The following PLXDC2 variants were observed in gnomAD, a reference collection of about 807,000 sequenced individuals.
The protein encoded by PLXDC2 is plexin domain-containing protein 2.
Under a neutral mutation model 68.9 loss-of-function variants are expected in PLXDC2, and 40 were observed. The ratio of observed to expected loss-of-function variants is 0.58; its 90% CI spans 0.45 to 0.76. PLXDC2 has a LOEUF of 0.76. Among genes scored for constraint, PLXDC2 ranks in the 30% least tolerant of loss-of-function variants. The pLI, the probability that PLXDC2 is intolerant of heterozygous loss-of-function variation, is 0.00. For synonymous variants in PLXDC2, 243 were observed against 234.2 expected (o/e 1.04, Z -0.34); for missense variants, 644 against 661.9 (o/e 0.97, Z 0.30).
intron 1 of PLXDC2, among the ~76,000 whole-genome samples, chr10:19,820,759 A>G (rs1836453301): frequency 6.6e-6 from 1 of 151,772 alleles, no homozygotes; most frequent in African/African-American, 2.4e-5. Context: ...GAGTTGATCA[A>G]CAGCCTTGAT....
At chr10:20,071,757 T>C (rs1564304325) in intron 4 of PLXDC2, among the ~76,000 whole-genome samples, 1 of 152,188 alleles carries the variant, frequency 6.6e-6, no homozygotes, top group Non-Finnish European at 1.5e-5. Context: ...GAGCAGGAGC[T>C]TGCTGAAAAA....
chr10:19,987,403 A>G lies in PLXDC2; in HGVS notation c.113-14372A>G, dbSNP rs370201145. On this transcript the variant is annotated intron_variant, in intron 1 of 13. Transcript: ENST00000377252. ...CACGTGCATCCCGCCGTCCCAGAAC[A>G]TAATTTTTTACCGATTTAATACTCT... 2.0e-5 allele frequency among the ~76,000 whole-genome samples: 3 copies of G among 152,276 alleles called. 1 individual carries two copies. The highest frequency in any genetic ancestry group is 2.0e-4 in the Admixed American group (3 of 15,298).
At chr10:19,910,116 A>G (rs1267762425) in intron 1 of PLXDC2, among the ~76,000 whole-genome samples, 1 of 151,920 alleles carries the variant, frequency 6.6e-6, no homozygotes. Flanking sequence ...TATCATTGAC[A>G]TCCACGAACC....
intron 9 of PLXDC2, among the ~76,000 whole-genome samples, chr10:20,183,425 G>C (rs954535581): frequency 5.3e-5 from 8 of 151,872 alleles, no homozygotes; most frequent in African/African-American, 1.9e-4. Context: ...GGTATGTTTG[G>C]ATAGACATAG....
chr10:20,059,910 T>A (rs10827936), intron 3 of PLXDC2, among the ~76,000 whole-genome samples: 4 of 152,116 alleles, frequency 2.6e-5, no homozygotes, highest in South Asian at 4.1e-4. Flanking sequence ...AAGGAAGTTC[T>A]CAATGCTCTT....
chr10:20,082,883 G>T (rs1836595380), intron 4 of PLXDC2, among the ~76,000 whole-genome samples: 1 of 152,036 alleles, frequency 6.6e-6, no homozygotes, highest in African/African-American at 2.4e-5. Flanking sequence ...TTTAATGTAT[G>T]CCTATTTAAA....
chr10:19,984,025 G>C (rs781182469), intron 1 of PLXDC2, among the ~76,000 whole-genome samples: 1 of 152,148 alleles, frequency 6.6e-6, no homozygotes, highest in Non-Finnish European at 1.5e-5. Context: ...TTGGTCCAGC[G>C]GTTTTCCATA....
At chr10:19,928,127 A>G (rs1388229074) in intron 1 of PLXDC2, among the ~76,000 whole-genome samples, 1 of 152,194 alleles carries the variant, frequency 6.6e-6, no homozygotes, top group Admixed American at 6.5e-5. Flanking sequence ...CATTATTTCT[A>G]TCCTTTTTAT....
chr10:19,848,686 C>G lies in PLXDC2; in HGVS notation c.112+31495C>G, dbSNP rs546964073. ...TTCCATGTAGGTTAGTAGAGAATTT[C>G]AAATATTTCCACGAAGTACCCACTA... On this transcript the variant is annotated intron_variant, in intron 1 of 13. Coordinates refer to ENST00000377252, the MANE Select transcript of PLXDC2 (RefSeq NM_032812.9). Among the ~76,000 whole-genome samples the G allele has an allele frequency of 3.3e-5, 5 of 152,296 alleles. 1 individual carries two copies. The South Asian group carries it at 1.0e-3, about 32-fold the overall frequency.
chr10:20,129,475 T>C (rs996852845), intron 4 of PLXDC2, among the ~76,000 whole-genome samples: 25 of 145,790 alleles, frequency 1.7e-4, no homozygotes, highest in African/African-American at 6.1e-4. Context: ...TCATGAAATC[T>C]CATTTGTCCA....
intron 1 of PLXDC2, among the ~76,000 whole-genome samples, chr10:19,961,273 A>G (rs1316097654): frequency 6.6e-6 from 1 of 152,252 alleles, no homozygotes; most frequent in Non-Finnish European, 1.5e-5. Flanking sequence ...CTCCCTGCAT[A>G]TATCAACATG....
intron 1 of PLXDC2, among the ~76,000 whole-genome samples, chr10:19,882,977 G>A (rs1027438061): frequency 2.0e-4 from 19 of 97,378 alleles, no homozygotes; most frequent in African/African-American, 8.3e-4. Context: ...TTTTTTTTGA[G>A]ACAGAGTCTC....
At chr10:20,199,272 C>G (rs1424159115) in intron 9 of PLXDC2, among the ~76,000 whole-genome samples, 1 of 151,800 alleles carries the variant, frequency 6.6e-6, no homozygotes, top group Non-Finnish European at 1.5e-5. Context: ...AGGTTACTTA[C>G]TACATGCAAT....
intron 4 of PLXDC2, among the ~76,000 whole-genome samples, chr10:20,141,101 T>C (rs1408726983): frequency 2.0e-5 from 3 of 152,120 alleles, no homozygotes; most frequent in Non-Finnish European, 2.9e-5. Flanking sequence ...TCTACTTACT[T>C]CTTTGGAAAC....
At chr10:20,246,159 T>C (rs1216798353) in intron 13 of PLXDC2, among the ~76,000 whole-genome samples, 1 of 152,194 alleles carries the variant, frequency 6.6e-6, no homozygotes, top group African/African-American at 2.4e-5. Flanking sequence ...GTAGGTTTAG[T>C]GCCAATGCCA....
At chr10:19,946,718 C>T (rs961581217) in intron 1 of PLXDC2, among the ~76,000 whole-genome samples, 5 of 151,958 alleles carry the variant, frequency 3.3e-5, no homozygotes, top group Non-Finnish European at 7.4e-5. Flanking sequence ...TAGACAGTCC[C>T]ATCGGTGGGT....
In PLXDC2 at chr10:19,817,117, G is replaced by T; in HGVS notation, c.38G>T (p.Gly13Val). 1 of 1,570,326 alleles carries T rather than the reference G, an allele frequency of 6.4e-7. No individual in the cohort carries two copies. Among genetic ancestry groups the T allele is most frequent in the Non-Finnish European group, 8.7e-7 (1 of 1,155,070 alleles). Residue 13 changes from glycine to valine, a missense_variant, in exon 1 of 14, where the codon GGA becomes GTA. By Grantham distance (109) the Gly-to-Val change is moderately radical. Around this residue, in one of 3 missense-constraint regions of PLXDC2, gnomAD observed 201 missense variants for 166.9 expected, o/e 1.20. Coordinates refer to ENST00000377252, the MANE Select transcript of PLXDC2 (RefSeq NM_032812.9). ...RFPKADLAAA[G>V]VMLLCHFFTD... ...CCGAAGGCCGACCTGGCCGCTGCAG[G>T]AGTTATGTTACTTTGCCACTTCTTC...
At chr10:19,850,453 C>G (rs1251414921) in intron 1 of PLXDC2, among the ~76,000 whole-genome samples, 2 of 152,070 alleles carry the variant, frequency 1.3e-5, no homozygotes, top group African/African-American at 4.8e-5. Context: ...GTTCTTAAAA[C>G]TTTTGAACCT....
intron 2 of PLXDC2, among the ~76,000 whole-genome samples, chr10:20,034,748 T>G (rs898545456): frequency 1.3e-5 from 2 of 152,194 alleles, no homozygotes; most frequent in Non-Finnish European, 2.9e-5. Flanking sequence ...ATGACAGTGA[T>G]TCTGTATTTT....
Sources: gnomAD v4.1 joint callset for allele counts (sites outside exome capture counted in the v4.1 genomes callset) on GRCh38, gnomAD v4.1.1 for gene constraint, gnomAD v4.1.1 regional missense constraint, MANE v1.5 for transcripts, NCBI Gene and HGNC (gene_info 2026-07-23, HGNC 2026-07-21) for gene names.